SUN1: variants seen among roughly 807,000 people sequenced by gnomAD.
The protein encoded by SUN1 is Sad1 and UNC84 domain containing 1, also known as SUN domain-containing protein 1.
In SUN1, 61 loss-of-function variants were observed where a neutral mutation model predicts 103.2. That is an observed-to-expected ratio of 0.59 (90% CI 0.48 to 0.73). The LOEUF (loss-of-function observed/expected upper bound fraction) is 0.73. Among genes scored for constraint, SUN1 ranks in the 30% least tolerant of loss-of-function variants. SUN1 has a pLI of 0.00. For missense variants in SUN1, 1,052 were observed against 1,034.6 expected (o/e 1.02, Z -0.23); for synonymous variants, 490 against 425.7 (o/e 1.15, Z -1.86).
chr7:842,438 A>G (rs1400211449), intron 3 of SUN1: 1 of 351,560 alleles, frequency 2.8e-6, no homozygotes, highest in Non-Finnish European at 5.4e-6. Context: ...AGCAGCAGGT[A>G]GTAATCTTAT....
At chr7:855,724 C>G (rs1826504940) in intron 11 of SUN1, among the ~76,000 whole-genome samples, 1 of 152,216 alleles carries the variant, frequency 6.6e-6, no homozygotes, top group Admixed American at 6.5e-5. Context: ...GAGAATGTAC[C>G]CGCCTGCGAG....
At chr7:871,898 G>A (rs923262807) in intron 17 of SUN1, among the ~76,000 whole-genome samples, 3 of 152,218 alleles carry the variant, frequency 2.0e-5, no homozygotes, top group South Asian at 4.1e-4. Context: ...GTCCAGTGGC[G>A]TTAAGCCCAG....
chr7:856,846 C>T (rs1003062915), intron 12 of SUN1, among the ~76,000 whole-genome samples: 12 of 152,162 alleles, frequency 7.9e-5, no homozygotes, highest in African/African-American at 1.7e-4. Context: ...TGCTCCTGGA[C>T]GGCAGTCCCT....
chr7:841,388 C>T (rs948058431), intron 2 of SUN1, among the ~76,000 whole-genome samples: 16 of 151,678 alleles, frequency 1.1e-4, no homozygotes, highest in African/African-American at 1.5e-4. Context: ...AAACTACAGG[C>T]GCCCGCCAAC....
chr7:871,507 C>G (rs1398041252), intron 17 of SUN1, among the ~76,000 whole-genome samples: 1 of 152,222 alleles, frequency 6.6e-6, no homozygotes, highest in Non-Finnish European at 1.5e-5. Context: ...CCTGCCTCAG[C>G]CTCCCGAGTA....
chr7:857,798 G>A (rs1040261338), intron 12 of SUN1, 30 bp from the exon 13 acceptor site: 2 of 1,551,200 alleles, frequency 1.3e-6, no homozygotes, highest in East Asian at 4.6e-5. Context: ...GGAGGCTTGT[G>A]TGTGACCCAT....
chr7:865,483 C>T (rs1835737666), intron 15 of SUN1, among the ~76,000 whole-genome samples: 1 of 152,202 alleles, frequency 6.6e-6, no homozygotes, highest in Admixed American at 6.5e-5. Context: ...ATGCATTCAT[C>T]TGTTAATGGA....
chr7:843,388 G>GCCGCCA lies in SUN1; in HGVS notation c.531_536dup (p.Thr178_Ala179dup), dbSNP rs1562626241. On this transcript the variant is annotated inframe_insertion, in exon 5 of 19. Coordinates refer to ENST00000401592, the MANE Select transcript of SUN1 (RefSeq NM_001130965.3). ...GGGAAACGGGGATGTGGGAGCCGCC[G>GCCGCCA]CCGCCACCGCGCACAACGGCTTCTC... is the stretch of plus-strand genomic sequence containing the variant. 6.2e-7 allele frequency: 1 copy of GCCGCCA among 1,610,106 alleles called. No individual in the cohort carries two copies. The highest frequency in any genetic ancestry group is 8.5e-7 in the Non-Finnish European group (1 of 1,177,708).
intron 1 of SUN1, among the ~76,000 whole-genome samples, chr7:825,638 A>T (rs1791032452): frequency 1.3e-5 from 2 of 152,216 alleles, no homozygotes; most frequent in Non-Finnish European, 2.9e-5. Flanking sequence ...ATTCTCAGTC[A>T]GGGTAAATCA....
chr7:817,240 G>T, intron 1 of SUN1: 1 of 639,748 alleles, frequency 1.6e-6, no homozygotes, highest in South Asian at 1.8e-5. Flanking sequence ...GATCACAGGC[G>T]TGAGCCACCG....
At chr7:860,601 T>C (rs906614270) in intron 14 of SUN1, among the ~76,000 whole-genome samples, 3 of 152,242 alleles carry the variant, frequency 2.0e-5, no homozygotes, top group African/African-American at 4.8e-5. Context: ...GTGTCATTAC[T>C]GAGCTGCTTC....
chr7:825,804 G>A (rs886219792), intron 1 of SUN1, among the ~76,000 whole-genome samples: 1 of 151,594 alleles, frequency 6.6e-6, no homozygotes, highest in Non-Finnish European at 1.5e-5. Flanking sequence ...TTTTTAATCT[G>A]CAGGAAAAAT....
intron 7 of SUN1, 148 bp from the exon 8 acceptor site, chr7:852,461 G>A (rs1266990917): frequency 5.9e-5 from 50 of 845,504 alleles, no homozygotes; most frequent in Non-Finnish European, 8.6e-5. Flanking sequence ...TCTCCTGAAG[G>A]CATCAGAAGC....
chr7:852,141 C>T (rs1390099218), intron 7 of SUN1, 98 bp downstream of exon 7: 4 of 1,109,510 alleles, frequency 3.6e-6, no homozygotes, highest in Non-Finnish European at 5.3e-6. Context: ...AAGGATTTAG[C>T]TTATATTTAC....
chr7:838,965 C>G lies in SUN1; in HGVS notation c.245C>G (p.Ser82Cys), dbSNP rs958523590. Reference sequence around the variant, plus strand: ...GACAGCGGCACCAGCAGCGCTGTCTCCCTGAAGAACCGAGCGGCCAGGTGA... The same window carrying G: ...GACAGCGGCACCAGCAGCGCTGTCTGCCTGAAGAACCGAGCGGCCAGGTGA... ...GADSGTSSAVSLKNRAARTTK... is the reference protein window; with the variant it reads ...GADSGTSSAVCLKNRAARTTK... The change falls in exon 2 of 19, where the codon TCC becomes TGC. Residue 82 changes from serine (S) to cysteine (C), a missense_variant. Coordinates refer to ENST00000401592, the MANE Select transcript of SUN1 (RefSeq NM_001130965.3). 1.9e-6 allele frequency: 3 copies of G among 1,595,952 alleles called. No homozygotes were observed. Among genetic ancestry groups the G allele is most frequent in the African/African-American group, 2.7e-5 (2 of 74,580 alleles).
upstream of SUN1, among the ~76,000 whole-genome samples, chr7:828,155 C>T (rs186963921): frequency 4.0e-4 from 60 of 151,798 alleles, 2 homozygotes; most frequent in Admixed American, 1.6e-3. Flanking sequence ...CCACCCACCT[C>T]GCCCTCCCAA....
At chr7:859,276 T>C (rs905635318) in intron 13 of SUN1, among the ~76,000 whole-genome samples, 3 of 151,030 alleles carry the variant, frequency 2.0e-5, no homozygotes, top group African/African-American at 4.9e-5. Flanking sequence ...ACGAGGACGA[T>C]GGCTGCTATC....
chr7:826,184 G>A lies in SUN1; in HGVS notation c.-74+9511G>A, dbSNP rs796366460. Among the ~76,000 whole-genome samples, 79 of 151,012 alleles carry A rather than the reference G, an allele frequency of 5.2e-4. 1 individual carries two copies. Among genetic ancestry groups the A allele is most frequent in the African/African-American group, 1.8e-3 (75 of 41,122 alleles). On this transcript the variant is annotated intron_variant, in intron 1 of 17. Transcript: ENST00000389574. ...GGAGGCTGCAGTGAGCTGTGATCAC[G>A]CCCCTGGCACTCTAGCCTGGGCGAC...
intron 5 of SUN1, chr7:849,743 C>A: frequency 9.0e-7 from 1 of 1,114,216 alleles, no homozygotes; most frequent in Non-Finnish European, 1.4e-6. Context: ...GTTGGAGCTG[C>A]TGCTTAAGCC....
Sources: gnomAD v4.1 joint callset for allele counts (sites outside exome capture counted in the v4.1 genomes callset) on GRCh38, gnomAD v4.1.1 for gene constraint, MANE v1.5 for transcripts, NCBI Gene and HGNC (gene_info 2026-07-23, HGNC 2026-07-21) for gene names.